The following TRIM71 variants were observed in gnomAD, a reference collection of about 807,000 sequenced individuals.
TRIM71 encodes the protein E3 ubiquitin-protein ligase TRIM71.
A neutral mutation model predicts 61.2 loss-of-function variants in TRIM71; 9 were observed. That is an observed-to-expected ratio of 0.15 (90% CI 0.09 to 0.26). The LOEUF (loss-of-function observed/expected upper bound fraction) is 0.26. TRIM71 is among the 10% of genes least tolerant of loss of function. The pLI, the probability that TRIM71 is intolerant of heterozygous loss-of-function variation, is 1.00. For synonymous variants in TRIM71, 645 were observed against 553.2 expected (o/e 1.17, Z -2.33); for missense variants, 998 against 1,238.7 (o/e 0.81, Z 2.92).
chr3:32,844,948 T>C (rs1188432005), intron 1 of TRIM71, among the ~76,000 whole-genome samples: 1 of 152,098 alleles, frequency 6.6e-6, no homozygotes, highest in Non-Finnish European at 1.5e-5. Context: ...GAAGACTGAG[T>C]TTTTGGGCTG....
At chr3:32,831,247 A>G (rs1696267235) in intron 1 of TRIM71, among the ~76,000 whole-genome samples, 1 of 152,098 alleles carries the variant, frequency 6.6e-6, no homozygotes, top group South Asian at 2.1e-4. Flanking sequence ...CAGAGTAACA[A>G]CTGGATTTAA....
At chr3:32,827,282 T>TTTTTTTTTTTTTTTTGG (rs1696214185) in intron 1 of TRIM71, among the ~76,000 whole-genome samples, 1 of 151,242 alleles carries the variant, frequency 6.6e-6, no homozygotes, top group African/African-American at 2.4e-5. Context: ...TTTTTTTTTT[T>TTTTTTTTTTTTTTTTGG]GGGTGGAGTC....
chr3:32,892,200 G>A lies in TRIM71; in HGVS notation c.*389G>A, dbSNP rs897468228. ...CTGTATGGCTGGGAGGGCACTGGATGTGTGTGGTGGGGTGTATTCTGTAGA... is the reference window on the plus strand; with the variant it reads ...CTGTATGGCTGGGAGGGCACTGGATATGTGTGGTGGGGTGTATTCTGTAGA... On this transcript the variant is annotated 3_prime_UTR_variant, in exon 4 of 4. Transcript: ENST00000383763. 4 of 180,100 alleles carry A rather than the reference G, an allele frequency of 2.2e-5. No homozygotes were observed. The highest frequency in any genetic ancestry group is 1.7e-4 in the East Asian group (1 of 5,732). The allele number at this position is 180,100 out of a possible 1,614,324, so 11.2% of individuals were successfully genotyped here.
In TRIM71 at chr3:32,818,038, C is replaced by T. The variant is rs552258480; in HGVS notation, c.-43C>T. 3 of 1,580,592 alleles carry T rather than the reference C, an allele frequency of 1.9e-6. No individual in the cohort carries two copies. The highest frequency in any genetic ancestry group is 2.3e-5 in the East Asian group (1 of 43,322). Reference sequence around the variant, plus strand: ...CGTCCGCTCTCTCCTCCTCCTCCTCCTCTTCCTCTCTGGTCTCCTCCCTCC... The same window carrying T: ...CGTCCGCTCTCTCCTCCTCCTCCTCTTCTTCCTCTCTGGTCTCCTCCCTCC... On this transcript the variant is annotated 5_prime_UTR_variant, in exon 1 of 4. Coordinates refer to ENST00000383763, the MANE Select transcript of TRIM71 (RefSeq NM_001039111.3).
chr3:32,861,133 T>C (rs1293550374), intron 1 of TRIM71, among the ~76,000 whole-genome samples: 2 of 151,450 alleles, frequency 1.3e-5, no homozygotes, highest in Non-Finnish European at 2.9e-5. Context: ...TGAGATCGTG[T>C]CATTGTACTC....
At chr3:32,823,814 G>A (rs1368565940) in intron 1 of TRIM71, among the ~76,000 whole-genome samples, 2 of 148,212 alleles carry the variant, frequency 1.3e-5, no homozygotes, top group African/African-American at 5.0e-5. Context: ...AGGGTCAGGC[G>A]TGAGCCACCG....
chr3:32,846,925 T>A (rs1442956184), intron 1 of TRIM71, among the ~76,000 whole-genome samples: 1 of 152,230 alleles, frequency 6.6e-6, no homozygotes, highest in Non-Finnish European at 1.5e-5. Context: ...TTTTGCTGTC[T>A]TGTAAACAAT....
At chr3:32,832,944 A>G (rs141715623) in intron 1 of TRIM71, among the ~76,000 whole-genome samples, 1,743 of 152,102 alleles carry the variant, frequency 0.011, 17 homozygotes, top group Middle Eastern at 0.048. Context: ...ATGCCGAGGC[A>G]GGTGGATCAT....
At chr3:32,885,239 C>T (rs1176477511) in intron 2 of TRIM71, among the ~76,000 whole-genome samples, 3 of 152,148 alleles carry the variant, frequency 2.0e-5, no homozygotes, top group Non-Finnish European at 4.4e-5. Flanking sequence ...GGTATCTCAA[C>T]CATGTAATAT....
intron 1 of TRIM71, among the ~76,000 whole-genome samples, chr3:32,832,297 GT>G (rs1300266617): frequency 6.6e-6 from 1 of 152,150 alleles, no homozygotes; most frequent in Admixed American, 6.5e-5. Flanking sequence ...GCAAGACCCT[GT>G]CCGTACAAAT....
intron 2 of TRIM71, among the ~76,000 whole-genome samples, chr3:32,884,475 A>G (rs947899378): frequency 6.6e-6 from 1 of 151,754 alleles, no homozygotes; most frequent in African/African-American, 2.4e-5. Context: ...AGGTGGGCAG[A>G]TCACTTGAGC....
chr3:32,822,958 G>T (rs7612007), intron 1 of TRIM71, among the ~76,000 whole-genome samples: 33,290 of 152,042 alleles, frequency 0.22, 3,638 homozygotes, highest in Middle Eastern at 0.31. Context: ...TTTTTTAAAG[G>T]AAGGACAAGG....
At chr3:32,825,879 C>T (rs946981321) in intron 1 of TRIM71, among the ~76,000 whole-genome samples, 23 of 152,010 alleles carry the variant, frequency 1.5e-4, no homozygotes, top group African/African-American at 5.6e-4. Context: ...TAAATTATTC[C>T]CCTCCTTTTG....
At chr3:32,861,492 G>A (rs994345524) in intron 1 of TRIM71, among the ~76,000 whole-genome samples, 1 of 151,586 alleles carries the variant, frequency 6.6e-6, no homozygotes, top group Non-Finnish European at 1.5e-5. Flanking sequence ...AAACACCTCG[G>A]CAGGCCAAGG....
intron 1 of TRIM71, among the ~76,000 whole-genome samples, chr3:32,844,093 T>C (rs1696442668): frequency 6.6e-6 from 1 of 152,170 alleles, no homozygotes. Flanking sequence ...CCATGCTTTC[T>C]CGCGTCGTCG....
intron 1 of TRIM71, among the ~76,000 whole-genome samples, chr3:32,858,306 A>G (rs1377701319): frequency 6.6e-6 from 1 of 152,248 alleles, no homozygotes. Flanking sequence ...AAGCCTAGAC[A>G]TCGTGAGCAA....
chr3:32,880,507 A>G (rs1696897967), intron 2 of TRIM71, among the ~76,000 whole-genome samples: 1 of 152,244 alleles, frequency 6.6e-6, no homozygotes, highest in Non-Finnish European at 1.5e-5. Context: ...ATGACTTTAA[A>G]GAGACTCACA....
chr3:32,834,673 C>T (rs949290623), intron 1 of TRIM71, among the ~76,000 whole-genome samples: 10 of 152,146 alleles, frequency 6.6e-5, no homozygotes, highest in African/African-American at 1.9e-4. Flanking sequence ...GAAACCCCGT[C>T]TCTACTAAAA....
intron 1 of TRIM71, among the ~76,000 whole-genome samples, chr3:32,858,615 G>A (rs935338561): frequency 2.6e-5 from 4 of 152,262 alleles, no homozygotes; most frequent in South Asian, 4.1e-4. Context: ...CTCTTCTTGG[G>A]GAAGAGTTTT....
Sources: gnomAD v4.1 joint callset for allele counts (sites outside exome capture counted in the v4.1 genomes callset) on GRCh38, gnomAD v4.1.1 for gene constraint, MANE v1.5 for transcripts, NCBI Gene and HGNC (gene_info 2026-07-23, HGNC 2026-07-21) for gene names.